RHBDD3: variants seen among roughly 807,000 people sequenced by gnomAD.
The protein encoded by RHBDD3 is rhomboid domain-containing protein 3.
Under a neutral mutation model 32.3 loss-of-function variants are expected in RHBDD3, and 34 were observed. The ratio of observed to expected loss-of-function variants is 1.05; its 90% CI spans 0.80 to 1.40. RHBDD3 has a LOEUF of 1.40. Ranked by LOEUF, RHBDD3 falls within the 40% of genes most tolerant of loss-of-function variation. The pLI is 0.00. For synonymous variants in RHBDD3, 249 were observed against 239.1 expected (o/e 1.04, Z -0.38); for missense variants, 482 against 492.6 (o/e 0.98, Z 0.20).
At chr22:29,266,512 G>A (rs1409586397) in intron 2 of RHBDD3, among the ~76,000 whole-genome samples, 2 of 152,208 alleles carry the variant, frequency 1.3e-5, no homozygotes, top group African/African-American at 2.4e-5. Context: ...ACTAATCATG[G>A]CAGGCGTCTG....
intron 2 of RHBDD3, among the ~76,000 whole-genome samples, 163 bp from the exon 3 acceptor site, chr22:29,265,831 G>A (rs945287851): frequency 6.6e-6 from 1 of 152,116 alleles, no homozygotes; most frequent in Non-Finnish European, 1.5e-5. Context: ...TAACCCATGC[G>A]CTCATAAGCC....
Position 29,260,158 on chromosome 22 carries a change from C to T in RHBDD3, c.1063G>A (p.Ala355Thr). 1 of 1,588,170 alleles carries T rather than the reference C, an allele frequency of 6.3e-7. No homozygotes were observed. The highest frequency in any genetic ancestry group is 8.6e-7 in the Non-Finnish European group (1 of 1,167,224). The change falls in exon 7 of 7, where the codon GCC (alanine) becomes ACC (threonine). Residue 355 changes from alanine to threonine, a missense_variant. Physicochemically the swap from Ala to Thr is moderately conservative, Grantham distance 58. Coordinates refer to ENST00000216085, the MANE Select transcript of RHBDD3 (RefSeq NM_012265.3). Reference protein sequence around the residue: ...ALAATGRVEGAVSLLVGGQVG... With the variant: ...ALAATGRVEGTVSLLVGGQVG... ...TGTCCTCCAACCAACAGTGACACGGCACCCTCCACACGGCCTGTGGCTGCC... is the reference window on the plus strand; with the variant it reads ...TGTCCTCCAACCAACAGTGACACGGTACCCTCCACACGGCCTGTGGCTGCC...
Position 29,265,793 on chromosome 22 carries a change from C to T in RHBDD3, c.-42-125G>A, listed in dbSNP as rs2058170030. 6.1e-6 allele frequency: 6 copies of T among 978,174 alleles called. No individual in the cohort carries two copies. In the South Asian group the frequency reaches 1.0e-4, roughly 17 times the overall value. 60.6% of individuals were successfully genotyped at this position (978,174 alleles called of 1,614,324 possible). A position where few individuals can be genotyped will look rare whatever the true frequency, so the allele number is the denominator to read the frequency against. The stretch of plus-strand genomic sequence containing the variant: ...AAACAGGCTGGAGACGCAGGCCCAG[C>T]AGCTTGGCCTTAGTGGAGCTCAGAC... On this transcript the variant is annotated intron_variant, in intron 2 of 6. Transcript: ENST00000216085.
intron 2 of RHBDD3, among the ~76,000 whole-genome samples, chr22:29,266,713 G>A (rs1457899065): frequency 1.3e-5 from 2 of 152,160 alleles, no homozygotes; most frequent in East Asian, 3.9e-4. Flanking sequence ...CAGGCCTCTC[G>A]GTCCCAGGAC....
rs1242683363 is a variant in RHBDD3, at chr22:29,260,072, AG to A, written c.1148del (p.Pro383LeufsTer26). 6.4e-7 allele frequency: 1 copy of A among 1,563,572 alleles called. No homozygotes were observed. Among genetic ancestry groups the A allele is most frequent in the Admixed American group, 1.9e-5 (1 of 52,200 alleles). ...GKGGPAHSEG[P>X]GPP ...CTCTCTGCCTGGGCTAGGGAGGCCCAGGACCCTCGGAGTGGGCAGGCCCACC... is the reference window on the plus strand; with the variant it reads ...CTCTCTGCCTGGGCTAGGGAGGCCCAGACCCTCGGAGTGGGCAGGCCCACC... On this transcript the variant is annotated frameshift_variant, in exon 7 of 7. Coordinates refer to ENST00000216085, the MANE Select transcript of RHBDD3 (RefSeq NM_012265.3). LOFTEE classifies it high-confidence loss of function.
At position 29,260,646 on chromosome 22, in the gene RHBDD3, G is replaced by A. The variant is rs778767126; in HGVS notation, c.696-33C>T. On this transcript the variant is annotated intron_variant, in intron 5 of 6. Transcript: ENST00000216085. Reference sequence around the variant, plus strand: ...AGTGGGAAGAGAAGAGGGCCTGACTGGCAGCCCTGCCACAGTGCCCACCAC... The same window carrying A: ...AGTGGGAAGAGAAGAGGGCCTGACTAGCAGCCCTGCCACAGTGCCCACCAC... 4 of 1,558,958 alleles carry A rather than the reference G, an allele frequency of 2.6e-6. No individual in the cohort carries two copies. The South Asian group carries it at 3.6e-5, about 14-fold the overall frequency.
chr22:29,266,988 C>T (rs2058210315), intron 2 of RHBDD3, among the ~76,000 whole-genome samples: 1 of 152,218 alleles, frequency 6.6e-6, no homozygotes, highest in Non-Finnish European at 1.5e-5. Context: ...ACAGCTTGGC[C>T]AGTCTGTCTC....
chr22:29,268,120 C>A (rs1602114221), upstream of RHBDD3: 5 of 625,402 alleles, frequency 8.0e-6, no homozygotes. Context: ...GCTATTTTGG[C>A]CCGAGTGTCA....
In RHBDD3 at chr22:29,260,442, C is replaced by A. The variant is rs138870856; in HGVS notation, c.867G>T (p.Trp289Cys). The A allele has an allele frequency of 5.6e-6, 9 of 1,611,088 alleles. No homozygotes were observed. Among genetic ancestry groups the A allele is most frequent in the Non-Finnish European group, 7.6e-6 (9 of 1,179,386 alleles). The change falls in exon 6 of 7, where the codon TGG becomes TGT. Residue 289 changes from tryptophan to cysteine, a missense_variant. Physicochemically the swap from Trp to Cys is radical, Grantham distance 215 (BLOSUM62 -2). Transcript: ENST00000216085. ...GASFSPGTPM[W>C]AALDEQMLQE... The stretch of plus-strand genomic sequence containing the variant: ...GCAGCATCTGCTCATCCAAGGCCGC[C>A]CACATCGGAGTCCCTGGGGAGAAGC...
chr22:29,263,272 T>C (rs1366204659), intron 4 of RHBDD3, among the ~76,000 whole-genome samples: 1 of 152,216 alleles, frequency 6.6e-6, no homozygotes, highest in African/African-American at 2.4e-5. Context: ...CTCGAACTCC[T>C]GACCTCGTGA....
In RHBDD3 at chr22:29,264,200, T is replaced by A. The variant is rs970693140; in HGVS notation, c.167A>T (p.His56Leu). 3 of 1,551,700 alleles carry A rather than the reference T, an allele frequency of 1.9e-6. No homozygotes were observed. The highest frequency in any genetic ancestry group is 1.4e-5 in the African/African-American group (1 of 73,630). ...TGGCAGGGCCGTGTGGCCCAGGGCA[T>A]GGGTCAGCAGCCGGTGCACTGGGAG... Reference protein sequence around the residue: ...DPWQVHRLLTHALGHTALPGL... With the variant: ...DPWQVHRLLTLALGHTALPGL... Residue 56 changes from histidine to leucine, a missense_variant, in exon 4 of 7, where the codon CAT (histidine) becomes CTT (leucine). Physicochemically the swap from His to Leu is moderately conservative, Grantham distance 99. Transcript: ENST00000216085.
intron 2 of RHBDD3, among the ~76,000 whole-genome samples, chr22:29,266,039 T>C (rs577067684): frequency 1.3e-5 from 2 of 152,166 alleles, no homozygotes; most frequent in African/African-American, 4.8e-5. Context: ...TCCCCTCCCC[T>C]GTTCCCAGCC....
At chr22:29,262,491 C>T (rs942084185) in intron 4 of RHBDD3, among the ~76,000 whole-genome samples, 4 of 152,094 alleles carry the variant, frequency 2.6e-5, no homozygotes, top group Non-Finnish European at 5.9e-5. Context: ...TCCAGGTTTG[C>T]TTTTCTTTTT....
chr22:29,266,294 C>T (rs893629849), intron 2 of RHBDD3, among the ~76,000 whole-genome samples: 6 of 152,224 alleles, frequency 3.9e-5, no homozygotes, highest in African/African-American at 7.2e-5. Context: ...ACAGTATGCG[C>T]TCCACCTCTT....
chr22:29,263,242 A>G (rs991288911), intron 4 of RHBDD3, among the ~76,000 whole-genome samples: 23 of 152,184 alleles, frequency 1.5e-4, no homozygotes, highest in African/African-American at 5.5e-4. Flanking sequence ...ATGGGGTTTT[A>G]CCATGTTGGC....
At chr22:29,267,167 G>A (rs958624380) in intron 2 of RHBDD3, among the ~76,000 whole-genome samples, 4 of 152,214 alleles carry the variant, frequency 2.6e-5, no homozygotes, top group Admixed American at 6.5e-5. Context: ...TCGCGGACCC[G>A]GGCATCCACC....
At chr22:29,263,457 C>T (rs778512139) in intron 4 of RHBDD3, among the ~76,000 whole-genome samples, 1 of 152,210 alleles carries the variant, frequency 6.6e-6, no homozygotes, top group Non-Finnish European at 1.5e-5. Context: ...GGGTTACAGG[C>T]GTGAGCCACT....
chr22:29,265,731 C>A, intron 2 of RHBDD3, 63 bp from the exon 3 acceptor site: 4 of 1,412,584 alleles, frequency 2.8e-6, no homozygotes, highest in Non-Finnish European at 3.7e-6. Context: ...AATACCCTCT[C>A]AAGCACCTTA....
At chr22:29,268,045 C>A (rs184073673), upstream of RHBDD3, 840 of 556,648 alleles carry the variant, frequency 1.5e-3, 8 homozygotes, top group African/African-American at 0.014. Context: ...ACAGCCTAGT[C>A]TCGTGCTGAG....
Sources: allele counts gnomAD v4.1 joint callset (sites outside exome capture counted in the v4.1 genomes callset), GRCh38; gene constraint gnomAD v4.1.1; transcripts MANE v1.5; gene names NCBI Gene and HGNC (gene_info 2026-07-23, HGNC 2026-07-21).